The following GRM1 variants were observed in gnomAD, a reference collection of about 807,000 sequenced individuals.
The protein encoded by GRM1 is glutamate metabotropic receptor 1.
In GRM1, 33 loss-of-function variants were observed where a neutral mutation model predicts 90.9. That is an observed-to-expected ratio of 0.36 (90% confidence interval 0.28 to 0.49). The LOEUF is 0.49. Among genes scored for constraint, GRM1 ranks in the 20% least tolerant of loss-of-function variants. GRM1 has a pLI of 0.99. For synonymous variants in GRM1, 700 were observed against 613.2 expected, an observed-to-expected ratio of 1.14 and a Z score of -2.09; for missense variants, 1,190 against 1,534.3, an observed-to-expected ratio of 0.78 and a Z score of 3.75.
chr6:146,311,114 T>C (rs1254928337), intron 3 of GRM1, among the ~76,000 whole-genome samples: 1 of 152,318 alleles, frequency 6.6e-6, no homozygotes, highest in East Asian at 1.9e-4. Context: ...ATAAGAAGAA[T>C]GGTGCAATAT....
intron 1 of GRM1, among the ~76,000 whole-genome samples, chr6:146,040,259 G>T (rs75099786): frequency 0.021 from 3,143 of 152,088 alleles, 58 homozygotes; most frequent in Middle Eastern, 0.037. Flanking sequence ...AAGAACTATA[G>T]AAACAGTGTT....
chr6:146,215,391 ACT>A (rs1779834059), intron 2 of GRM1, among the ~76,000 whole-genome samples: 1 of 150,106 alleles, frequency 6.7e-6, no homozygotes, highest in African/African-American at 2.5e-5. Flanking sequence ...TTTCTCAACC[ACT>A]CTCTGTTTTC....
intron 2 of GRM1, among the ~76,000 whole-genome samples, chr6:146,278,356 G>T (rs1276392976): frequency 6.6e-6 from 1 of 152,148 alleles, no homozygotes; most frequent in East Asian, 1.9e-4. Flanking sequence ...GAGAGTATTT[G>T]GATTAGGGTC....
intron 2 of GRM1, among the ~76,000 whole-genome samples, chr6:146,206,307 T>C (rs1429281614): frequency 6.6e-6 from 1 of 152,146 alleles, no homozygotes; most frequent in Admixed American, 6.5e-5. Flanking sequence ...TCCCAGATCA[T>C]CCCCACTTCT....
chr6:146,234,856 C>T (rs1255903018), intron 2 of GRM1, among the ~76,000 whole-genome samples: 1 of 152,096 alleles, frequency 6.6e-6, no homozygotes, highest in African/African-American at 2.4e-5. Context: ...AATTCTCATG[C>T]CTCAGCCTCC....
At chr6:146,150,111 C>T (rs1033922259) in intron 1 of GRM1, among the ~76,000 whole-genome samples, 2 of 151,896 alleles carry the variant, frequency 1.3e-5, no homozygotes, top group Admixed American at 1.3e-4. Context: ...TAAAAGGCTG[C>T]CAGGAAAAGT....
intron 2 of GRM1, among the ~76,000 whole-genome samples, chr6:146,197,614 C>T (rs760172718): frequency 3.9e-5 from 6 of 152,214 alleles, no homozygotes; most frequent in Non-Finnish European, 7.3e-5. Context: ...GATGTCCAGA[C>T]AACCCAGATC....
intron 5 of GRM1, among the ~76,000 whole-genome samples, chr6:146,382,725 G>T (rs1776360662): frequency 6.6e-6 from 1 of 152,142 alleles, no homozygotes; most frequent in South Asian, 2.1e-4. Context: ...GGTATTAAAA[G>T]AGGAGGCACT....
intron 1 of GRM1, among the ~76,000 whole-genome samples, chr6:146,151,880 T>G (rs923696838): frequency 6.6e-5 from 10 of 152,340 alleles, no homozygotes; most frequent in African/African-American, 2.4e-4. Context: ...TTCTCCTTCA[T>G]AAATATCCCA....
chr6:146,103,952 G>T (rs1411601456), intron 1 of GRM1, among the ~76,000 whole-genome samples: 1 of 152,136 alleles, frequency 6.6e-6, no homozygotes, highest in Non-Finnish European at 1.5e-5. Flanking sequence ...GGAAACATTT[G>T]ATCTAAACTG....
chr6:146,268,250 C>T (rs1781992464), intron 2 of GRM1, among the ~76,000 whole-genome samples: 1 of 152,104 alleles, frequency 6.6e-6, no homozygotes, highest in Admixed American at 6.5e-5. Context: ...AAATGTTAAG[C>T]CCCCGACCTA....
chr6:146,304,929 G>A (rs1783522360), intron 3 of GRM1, 83 bp downstream of exon 3: 1 of 985,736 alleles, frequency 1.0e-6, no homozygotes, highest in African/African-American at 1.6e-5. Flanking sequence ...GAGAATAGAA[G>A]GTGCCAGGGC....
chr6:146,144,512 G>A (rs1019822351), intron 1 of GRM1, among the ~76,000 whole-genome samples: 8 of 152,154 alleles, frequency 5.3e-5, no homozygotes, highest in Non-Finnish European at 1.0e-4. Context: ...CTTACCAGAC[G>A]ATGCTTCTCA....
At chr6:146,123,183 T>A (rs1341432486) in intron 1 of GRM1, among the ~76,000 whole-genome samples, 1 of 152,102 alleles carries the variant, frequency 6.6e-6, no homozygotes, top group Non-Finnish European at 1.5e-5. Flanking sequence ...AGATATTAGC[T>A]CCTTGGTTTG....
chr6:146,119,271 C>T (rs1325270674), intron 1 of GRM1, among the ~76,000 whole-genome samples: 1 of 152,102 alleles, frequency 6.6e-6, no homozygotes, highest in African/African-American at 2.4e-5. Flanking sequence ...ATCCTTTGCC[C>T]ACTTTTTGAT....
At chr6:146,116,917 A>G (rs910982856) in intron 1 of GRM1, among the ~76,000 whole-genome samples, 2 of 151,972 alleles carry the variant, frequency 1.3e-5, no homozygotes, top group Non-Finnish European at 2.9e-5. Context: ...TATCTTTACC[A>G]TAATATTTCT....
rs954297484 is a variant in GRM1 at position 146,212,347 on chromosome 6, G to A, written c.950+52750G>A. Among the ~76,000 whole-genome samples the A allele has an allele frequency of 9.2e-5, 14 of 152,128 alleles. 1 individual carries two copies. Among genetic ancestry groups the A allele is most frequent in the Non-Finnish European group, 1.5e-5 (1 of 68,020 alleles). On this transcript the variant is annotated intron_variant, in intron 2 of 7. Transcript: ENST00000282753. ...TAATTGACTATTTTATTCAAACAGG[G>A]CTTATCTTTGCATTCCCAAAAAGAT...
chr6:146,364,682 G>A (rs7755576), intron 5 of GRM1, among the ~76,000 whole-genome samples: 29,703 of 151,316 alleles, frequency 0.2, 3,793 homozygotes, highest in African/African-American at 0.37. Context: ...TAGTACAATA[G>A]TTACTCGCAT....
chr6:146,064,883 A>T (rs181698190), intron 1 of GRM1, among the ~76,000 whole-genome samples: 55 of 151,626 alleles, frequency 3.6e-4, no homozygotes, highest in African/African-American at 1.3e-3. Context: ...TTTTTTCGAG[A>T]TTGAGTCTTA....
Sources: allele counts gnomAD v4.1 joint callset (sites outside exome capture counted in the v4.1 genomes callset), GRCh38; gene constraint gnomAD v4.1.1; transcripts MANE v1.5; gene names NCBI Gene and HGNC (gene_info 2026-07-23, HGNC 2026-07-21).